ARHGAP36: variants seen among roughly 807,000 people sequenced by gnomAD.
ARHGAP36 encodes Rho GTPase activating protein 36.
In ARHGAP36, 7 loss-of-function variants were observed where a neutral mutation model predicts 32.9. The observed-to-expected ratio is 0.21, with a 90% CI of 0.12 to 0.40. The LOEUF is 0.40. ARHGAP36 is among the 10% of genes least tolerant of loss of function. The pLI is 1.00. For missense variants in ARHGAP36, 383 were observed against 442.2 expected (o/e 0.87, Z 1.20); for synonymous variants, 165 against 168.3 (o/e 0.98, Z 0.15).
At position 131,081,240 on chromosome X, in the gene ARHGAP36, C is replaced by A. The variant is rs181395395; in HGVS notation, c.-142-284C>A. On this transcript the variant is annotated intron_variant, in intron 1 of 11. Transcript: ENST00000276211. ...TGTCTGAATTTGCAGCTCTCCTAAC[C>A]TAGATGAAAGTCCCCTTTTTATCCA... is the stretch of plus-strand genomic sequence containing the variant. Among the ~76,000 whole-genome samples, 6 of 108,985 alleles carry A rather than the reference C, an allele frequency of 5.5e-5. No homozygotes were observed. In the East Asian group the frequency reaches 1.7e-3, roughly 31 times the overall value. The allele number at this position is 108,985 out of a possible 115,157, so 94.6% of individuals were successfully genotyped here. A position where few individuals can be genotyped will look rare whatever the true frequency, so the allele number is the denominator to read the frequency against.
intron 1 of ARHGAP36, among the ~76,000 whole-genome samples, chrX:131,070,535 G>A (rs746859615): frequency 9.0e-5 from 10 of 111,554 alleles, no homozygotes; most frequent in Non-Finnish European, 1.7e-4. Context: ...GGGAATGTTT[G>A]GGAGACTTGG....
intron 1 of ARHGAP36, 91 bp from the exon 2 acceptor site, chrX:131,081,433 T>C (rs1021608553): frequency 2.8e-6 from 2 of 712,114 alleles, no homozygotes; most frequent in African/African-American, 4.5e-5. Context: ...TTTCTCTCTT[T>C]GTACTTTTTT....
intron 1 of ARHGAP36, among the ~76,000 whole-genome samples, chrX:131,063,288 A>T (rs1226378076): frequency 9.0e-6 from 1 of 111,514 alleles, no homozygotes; most frequent in African/African-American, 3.3e-5. Flanking sequence ...CGGGATGAGT[A>T]CTCAATACTC....
Position 131,084,216 on chromosome X carries a change from G to A in ARHGAP36, c.557G>A (p.Gly186Asp). ...AAGATAATCTGGATTTCTCCACAGG[G>A]TGCAGTGTCTGTGGATAGTCTGGCT... is the stretch of plus-strand genomic sequence containing the variant. ...PREFTRRGRR[G>D]AVSVDSLAEL... The change falls in exon 5 of 12, where the codon GGT becomes GAT. Residue 186 changes from glycine (G) to aspartate (D), a missense_variant and splice_region_variant. Coordinates refer to ENST00000276211, the MANE Select transcript of ARHGAP36 (RefSeq NM_144967.4). The A allele has an allele frequency of 1.7e-6, 2 of 1,198,716 alleles. No homozygotes were observed. The highest frequency in any genetic ancestry group is 2.2e-6 in the Non-Finnish European group (2 of 889,779).
At position 131,088,633 on chromosome X, in the gene ARHGAP36, T is replaced by C; in HGVS notation, c.1492T>C (p.Ser498Pro). 5 of 1,209,579 alleles carry C rather than the reference T, an allele frequency of 4.1e-6. No individual in the cohort carries two copies. Among genetic ancestry groups the C allele is most frequent in the Non-Finnish European group, 5.6e-6 (5 of 894,855 alleles). ...ACATTGTTACTATTTTTCAGGTTCC[T>C]CTGAGGAGCCAGCTGTGCCTTCCGG... ...AQSKPSDEGSSEEPAVPSGTA... is the reference protein window; with the variant it reads ...AQSKPSDEGSPEEPAVPSGTA... Residue 498 changes from serine (S) to proline (P), a missense_variant, in exon 12 of 12, where the codon TCT becomes CCT. Physicochemically the swap from Ser to Pro is moderately conservative, Grantham distance 74. Around this residue, in one of 2 missense-constraint regions of ARHGAP36, gnomAD observed 227 missense variants for 311.3 expected, o/e 0.73. Transcript: ENST00000276211.
chrX:131,062,103 C>A (rs2079672614), intron 1 of ARHGAP36, among the ~76,000 whole-genome samples: 1 of 112,071 alleles, frequency 8.9e-6, no homozygotes, highest in Non-Finnish European at 1.9e-5. Flanking sequence ...TAAATAAATT[C>A]TGTGATATAT....
At chrX:131,071,937 G>A (rs1466979272) in intron 1 of ARHGAP36, among the ~76,000 whole-genome samples, 2 of 112,211 alleles carry the variant, frequency 1.8e-5, no homozygotes, top group Non-Finnish European at 3.8e-5. Flanking sequence ...TTAAGATCTT[G>A]TGATTATAAC....
chrX:131,073,543 GCT>G (rs1186721706), intron 1 of ARHGAP36, among the ~76,000 whole-genome samples: 1 of 113,075 alleles, frequency 8.8e-6, no homozygotes, highest in Non-Finnish European at 1.9e-5. Flanking sequence ...GGGGTGGTGG[GCT>G]CTCTCTTCAA....
rs776757403 is a variant in ARHGAP36, at chrX:131,089,697, A to G, written c.*912A>G. 8.9e-6 allele frequency: 1 copy of G among 112,827 alleles called. No individual in the cohort carries two copies. Among genetic ancestry groups the G allele is most frequent in the South Asian group, 3.7e-4 (1 of 2,716 alleles). The allele number at this position is 112,827 out of a possible 1,213,427, so 9.3% of individuals were successfully genotyped here. On this transcript the variant is annotated 3_prime_UTR_variant, in exon 12 of 12. Transcript: ENST00000276211. ...GGTAACACACAGATATGGGTTGCAT[A>G]TGATCCAGAATTACAGCTGATATTA... is the stretch of plus-strand genomic sequence containing the variant.
chrX:131,086,516 C>T lies in ARHGAP36; in HGVS notation c.1380-43C>T, dbSNP rs748778321. ...TCCAGACTATCTTTATATTAAGTAA[C>T]GCAAGTACACAAACTGACTTTTTCA... On this transcript the variant is annotated intron_variant, in intron 10 of 11. Coordinates refer to ENST00000276211, the MANE Select transcript of ARHGAP36 (RefSeq NM_144967.4). The T allele has an allele frequency of 4.3e-5, 52 of 1,198,545 alleles. No homozygotes were observed. The South Asian group carries it at 8.0e-4, about 18-fold the overall frequency.
intron 1 of ARHGAP36, among the ~76,000 whole-genome samples, chrX:131,078,267 A>G (rs2079775487): frequency 2.7e-5 from 3 of 112,342 alleles, no homozygotes; most frequent in Admixed American, 1.9e-4. Context: ...AAGGCCACTG[A>G]GACTCAGAGA....
intron 1 of ARHGAP36, among the ~76,000 whole-genome samples, chrX:131,059,523 A>G (rs951747490): frequency 1.8e-5 from 2 of 111,181 alleles, no homozygotes; most frequent in Non-Finnish European, 3.8e-5. Context: ...GGCCTCAGCA[A>G]CTTAATTCAG....
intron 1 of ARHGAP36, among the ~76,000 whole-genome samples, chrX:131,070,885 A>G (rs1478226667): frequency 9.2e-6 from 1 of 108,722 alleles, no homozygotes; most frequent in African/African-American, 3.4e-5. Context: ...GCTGCCCCCA[A>G]TACCAGCCCA....
chrX:131,081,542 G>T lies in ARHGAP36; in HGVS notation c.-124G>T. 6 of 1,097,370 alleles carry T rather than the reference G, an allele frequency of 5.5e-6. No homozygotes were observed. Among genetic ancestry groups the T allele is most frequent in the Non-Finnish European group, 7.1e-6 (6 of 844,214 alleles). 90.4% of individuals were successfully genotyped at this position (1,097,370 alleles called of 1,213,427 possible). ...TTTTTAGCAAAAACAACCAGAGGCT[G>T]CTCTGCTTGAGGGTGAAGCCGCCTC... is the stretch of plus-strand genomic sequence containing the variant. On this transcript the variant is annotated 5_prime_UTR_variant, in exon 2 of 12. Coordinates refer to ENST00000276211, the MANE Select transcript of ARHGAP36 (RefSeq NM_144967.4).
At chrX:131,078,231 CTG>C (rs201102883) in intron 1 of ARHGAP36, among the ~76,000 whole-genome samples, 6,945 of 111,895 alleles carry the variant, frequency 0.062, 238 homozygotes, top group Middle Eastern at 0.12. Context: ...GAAATGGATA[CTG>C]TGTCATTTCA....
At chrX:131,088,459 T>A (rs1247055088) in intron 11 of ARHGAP36, among the ~76,000 whole-genome samples, 169 bp from the exon 12 acceptor site, 1 of 112,390 alleles carries the variant, frequency 8.9e-6, no homozygotes, top group Admixed American at 9.4e-5. Context: ...ATCTGTGTTC[T>A]GCTGTCAGGC....
intron 1 of ARHGAP36, among the ~76,000 whole-genome samples, chrX:131,065,073 G>A (rs1019370850): frequency 1.2e-4 from 13 of 110,603 alleles, no homozygotes; most frequent in Non-Finnish European, 1.1e-4. Flanking sequence ...GTGTGTCTGC[G>A]TGTCTGTGTG....
intron 1 of ARHGAP36, among the ~76,000 whole-genome samples, chrX:131,075,771 A>T (rs1182506101): frequency 9.0e-6 from 1 of 110,686 alleles, no homozygotes; most frequent in African/African-American, 3.3e-5. Flanking sequence ...CTTGGTTTAG[A>T]CTTTCCCAGT....
intron 1 of ARHGAP36, among the ~76,000 whole-genome samples, chrX:131,069,111 A>C: frequency 9.0e-6 from 1 of 111,575 alleles, no homozygotes. Context: ...GGTGCTTTGC[A>C]CTTCTGGTTC....
Sources: allele counts gnomAD v4.1 joint callset (sites outside exome capture counted in the v4.1 genomes callset), GRCh38; gene constraint gnomAD v4.1.1; regional missense constraint gnomAD v4.1.1; transcripts MANE v1.5; gene names NCBI Gene and HGNC (gene_info 2026-07-23, HGNC 2026-07-21).